Variants in FZD6 observed in about 807,000 individuals in gnomAD.
The protein encoded by FZD6 is frizzled-6.
A neutral mutation model predicts 61.4 loss-of-function variants in FZD6; 49 were observed. That is an observed-to-expected ratio of 0.80 (90% CI 0.63 to 1.01). The LOEUF (loss-of-function observed/expected upper bound fraction) is 1.01. Ranked by LOEUF, FZD6 falls within the 50% of genes least tolerant of loss-of-function variation. The pLI is 0.00. For synonymous variants in FZD6, 265 were observed against 292.2 expected, an observed-to-expected ratio of 0.91 and a Z score of 0.95; for missense variants, 724 against 848.2, an observed-to-expected ratio of 0.85 and a Z score of 1.82.
chr8:103,303,936 T>G (rs1025613676), intron 2 of FZD6, among the ~76,000 whole-genome samples: 1 of 145,114 alleles, frequency 6.9e-6, no homozygotes, highest in Admixed American at 6.8e-5. Context: ...TTTTTTTTTT[T>G]TCAAACATTG....
chr8:103,329,595 C>T (rs1442102198), intron 5 of FZD6, 60 bp from the exon 6 acceptor site: 2 of 1,269,180 alleles, frequency 1.6e-6, no homozygotes, highest in Non-Finnish European at 2.3e-6. Flanking sequence ...TCCTTTATAT[C>T]CTCTACTTTA....
chr8:103,330,082 T>C lies in FZD6; in HGVS notation c.1952+17T>C. On this transcript the variant is annotated intron_variant, in intron 6 of 6. Coordinates refer to ENST00000358755, the MANE Select transcript of FZD6 (RefSeq NM_003506.4). ...TGAAGGAAGGTGAGATTTGATTTTA[T>C]GTAAAATCATCACTATTTTAAATAC... is the stretch of plus-strand genomic sequence containing the variant. The C allele has an allele frequency of 6.3e-7, 1 of 1,596,244 alleles. No individual in the cohort carries two copies. The highest frequency in any genetic ancestry group is 8.6e-7 in the Non-Finnish European group (1 of 1,163,666).
intron 2 of FZD6, among the ~76,000 whole-genome samples, chr8:103,304,303 T>A (rs1180597629): frequency 1.3e-5 from 2 of 152,270 alleles, no homozygotes; most frequent in African/African-American, 4.8e-5. Context: ...TGGTCATTTT[T>A]AATCTGTGAT....
chr8:103,300,704 G>T (rs1016791794), intron 2 of FZD6, among the ~76,000 whole-genome samples: 1 of 152,070 alleles, frequency 6.6e-6, no homozygotes, highest in African/African-American at 2.4e-5. Flanking sequence ...TATTCACTTG[G>T]TACAGTTTTT....
At chr8:103,314,027 C>T (rs1437414872) in intron 2 of FZD6, among the ~76,000 whole-genome samples, 1 of 152,126 alleles carries the variant, frequency 6.6e-6, no homozygotes, top group Non-Finnish European at 1.5e-5. Context: ...CCTGCCTGGC[C>T]TCTGAAGGTA....
chr8:103,322,591 AT>A (rs981159246), intron 3 of FZD6, among the ~76,000 whole-genome samples: 4 of 151,690 alleles, frequency 2.6e-5, no homozygotes, highest in African/African-American at 7.3e-5. Context: ...GTCTTGATTA[AT>A]TTTTTTTTCC....
rs895687169 is a variant in FZD6 at position 103,332,414 on chromosome 8, T to G, written c.*905T>G. The G allele has an allele frequency of 6.6e-6, 1 of 152,216 alleles. No individual in the cohort carries two copies. The highest frequency in any genetic ancestry group is 1.5e-5 in the Non-Finnish European group (1 of 68,008). The allele number at this position is 152,216 out of a possible 1,614,324, so 9.4% of individuals were successfully genotyped here. On this transcript the variant is annotated 3_prime_UTR_variant, in exon 7 of 7. Transcript: ENST00000358755. ...TATATTTTTTGTTTTAACTTTTGTT[T>G]TTTAACATTTAGAATATTACATTTT...
Position 103,318,746 on chromosome 8 carries a change from A to ATGTAATAAAAT in FZD6, c.334_335insTGTAATAAAAT (p.Thr112MetfsTer2). 1 of 1,611,344 alleles carries ATGTAATAAAAT rather than the reference A, an allele frequency of 6.2e-7. No individual in the cohort carries two copies. Among genetic ancestry groups the ATGTAATAAAAT allele is most frequent in the African/African-American group, 1.3e-5 (1 of 74,980 alleles). On this transcript the variant is annotated stop_gained and frameshift_variant, in exon 3 of 7. Coordinates refer to ENST00000358755, the MANE Select transcript of FZD6 (RefSeq NM_003506.4). LOFTEE classifies it high-confidence loss of function. ...TTCTGATTGCAAAAAATTAATTGAC[A>ATGTAATAAAAT]CTTTTGGGATCCGATGGCCTGAGGA...
At chr8:103,313,455 G>T (rs1254622757) in intron 2 of FZD6, among the ~76,000 whole-genome samples, 1 of 152,218 alleles carries the variant, frequency 6.6e-6, no homozygotes, top group Non-Finnish European at 1.5e-5. Flanking sequence ...GGTGCTCTGA[G>T]GTCACTGGTA....
At chr8:103,299,119 G>A (rs1586495582) in intron 1 of FZD6, 124 bp downstream of exon 1, 1 of 152,304 alleles carries the variant, frequency 6.6e-6, no homozygotes, top group East Asian at 1.9e-4. Context: ...GTGCTGGGGA[G>A]GCAACGGCGG....
At chr8:103,316,371 A>G (rs1469148862) in intron 2 of FZD6, among the ~76,000 whole-genome samples, 4 of 152,178 alleles carry the variant, frequency 2.6e-5, no homozygotes, top group Admixed American at 2.6e-4. Flanking sequence ...CCCTTCTGTC[A>G]AATGTGTTCT....
Position 103,331,336 on chromosome 8 carries a change from T to C in FZD6, c.1953-5T>C. 6.2e-7 allele frequency: 1 copy of C among 1,606,892 alleles called. No homozygotes were observed. On this transcript the variant is annotated splice_region_variant and splice_polypyrimidine_tract_variant and intron_variant, in intron 6 of 6. Coordinates refer to ENST00000358755, the MANE Select transcript of FZD6 (RefSeq NM_003506.4). Reference sequence around the variant, plus strand: ...GTGTGTGTCAACTTTTTTTCTTTTATCTAGGATTAGTCCAAAGAGTGATAT... The same window carrying C: ...GTGTGTGTCAACTTTTTTTCTTTTACCTAGGATTAGTCCAAAGAGTGATAT...
intron 1 of FZD6, 51 bp from the exon 2 acceptor site, chr8:103,299,905 A>AC (rs1814102619): frequency 3.7e-6 from 2 of 539,604 alleles, no homozygotes; most frequent in Admixed American, 6.2e-5. Flanking sequence ...TTGACTCCAC[A>AC]TTTGAGTTTA....
chr8:103,329,110 G>A (rs1293433337), intron 5 of FZD6, among the ~76,000 whole-genome samples: 5 of 147,674 alleles, frequency 3.4e-5, no homozygotes, highest in African/African-American at 1.2e-4. Context: ...TTTCAGAACT[G>A]TAGACCATTT....
rs776411650 is a variant in FZD6, at chr8:103,325,290, A to G, written c.1184A>G (p.His395Arg). The G allele has an allele frequency of 1.1e-5, 17 of 1,614,104 alleles. No homozygotes were observed. Among genetic ancestry groups the G allele is most frequent in the Non-Finnish European group, 1.3e-5 (15 of 1,179,956 alleles). ...LLLAGIISLNHVRQVIQHDGR... is the reference protein window; with the variant it reads ...LLLAGIISLNRVRQVIQHDGR... ...TTAGCTGGCATTATTTCCTTAAATCATGTTCGACAAGTCATACAACATGAT... is the reference window on the plus strand; with the variant it reads ...TTAGCTGGCATTATTTCCTTAAATCGTGTTCGACAAGTCATACAACATGAT... Residue 395 changes from histidine (H) to arginine (R), a missense_variant, in exon 4 of 7, where the codon CAT (histidine) becomes CGT (arginine). Transcript: ENST00000358755.
intron 2 of FZD6, among the ~76,000 whole-genome samples, chr8:103,313,760 C>G (rs1289232888): frequency 7.0e-6 from 1 of 142,736 alleles, no homozygotes; most frequent in East Asian, 2.1e-4. Context: ...CTTGATTTTT[C>G]TGTGTGTGTG....
chr8:103,315,122 G>A (rs1814593815), intron 2 of FZD6, among the ~76,000 whole-genome samples: 1 of 151,912 alleles, frequency 6.6e-6, no homozygotes, highest in Non-Finnish European at 1.5e-5. Flanking sequence ...CATTTCAATG[G>A]CATTTCGAGT....
At chr8:103,306,405 A>G (rs1814329320) in intron 2 of FZD6, among the ~76,000 whole-genome samples, 1 of 151,900 alleles carries the variant, frequency 6.6e-6, no homozygotes, top group African/African-American at 2.4e-5. Context: ...GTAACCACTT[A>G]AACAGTATTT....
rs186823870 is a variant in FZD6, at chr8:103,310,047, G to C, written c.178-8543G>C. Among the ~76,000 whole-genome samples the C allele has an allele frequency of 7.9e-4, 121 of 152,226 alleles. 1 individual carries two copies. Among genetic ancestry groups the C allele is most frequent in the Middle Eastern group, 3.4e-3 (1 of 294 alleles). Reference sequence around the variant, plus strand: ...TATTTATTTTCTTCTTACAGAAAGGGTCTACCTTGAGAGCTGCAGGTTCAG... The same window carrying C: ...TATTTATTTTCTTCTTACAGAAAGGCTCTACCTTGAGAGCTGCAGGTTCAG... On this transcript the variant is annotated intron_variant, in intron 2 of 6. Transcript: ENST00000358755.
Sources: gnomAD v4.1 joint callset for allele counts (sites outside exome capture counted in the v4.1 genomes callset) on GRCh38, gnomAD v4.1.1 for gene constraint, MANE v1.5 for transcripts, NCBI Gene and HGNC (gene_info 2026-07-23, HGNC 2026-07-21) for gene names.